Variants in TRPS1 observed in about 807,000 individuals in gnomAD.
TRPS1 encodes the protein zinc finger transcription factor Trps1.
A neutral mutation model predicts 101.2 loss-of-function variants in TRPS1; 6 were observed. The observed-to-expected ratio is 0.06, with a 90% CI of 0.03 to 0.12. The LOEUF (loss-of-function observed/expected upper bound fraction) is 0.12, where lower values mean the gene tolerates loss of function less well. TRPS1 is among the 10% of genes least tolerant of loss of function. TRPS1 has a pLI of 1.00. For synonymous variants in TRPS1, 578 were observed against 589.8 expected (o/e 0.98, Z 0.29); for missense variants, 1,363 against 1,567.0 (o/e 0.87, Z 2.20).
At chr8:115,611,242 C>T (rs1291430585) in intron 3 of TRPS1, among the ~76,000 whole-genome samples, 1 of 152,068 alleles carries the variant, frequency 6.6e-6, no homozygotes, top group Non-Finnish European at 1.5e-5. Flanking sequence ...CACTCCTCTA[C>T]AGCATCCAAC....
In TRPS1 at chr8:115,604,362, T is replaced by C. The variant is rs749022707; in HGVS notation, c.1607A>G (p.Tyr536Cys). The change falls in exon 4 of 7, where the codon TAT becomes TGT. Residue 536 changes from tyrosine to cysteine, a missense_variant. By Grantham distance (194) the Tyr-to-Cys change is radical (BLOSUM62 -2). Coordinates refer to ENST00000395715, the MANE Select transcript of TRPS1 (RefSeq NM_014112.5). This position sits in a 1 kb window ranked among gnomAD's most constrained non-coding sequence, Gnocchi z 4.1. ...KGAEDNMVTS[Y>C]NCQFCDFRYS... ...TCGGAAGTCACAGAACTGACAATTA[T>C]AGCTCGTTACCATATTATCCTCGGC... The C allele has an allele frequency of 3.8e-5, 61 of 1,613,944 alleles. No homozygotes were observed. The highest frequency in any genetic ancestry group is 4.7e-5 in the Non-Finnish European group (55 of 1,179,994).
At chr8:115,460,932 A>G (rs1406103926) in intron 5 of TRPS1, among the ~76,000 whole-genome samples, 1 of 152,188 alleles carries the variant, frequency 6.6e-6, no homozygotes, top group Non-Finnish European at 1.5e-5. Context: ...TGTTACAAAT[A>G]ATTAAAATAT....
At chr8:115,667,069 G>T (rs1811939097) in intron 1 of TRPS1, among the ~76,000 whole-genome samples, 1 of 152,122 alleles carries the variant, frequency 6.6e-6, no homozygotes, top group African/African-American at 2.4e-5. Context: ...TAAGATCAAT[G>T]GCTTACTCAA....
chr8:115,612,374 G>C (rs766361327), intron 3 of TRPS1, among the ~76,000 whole-genome samples: 1 of 152,166 alleles, frequency 6.6e-6, no homozygotes, highest in Non-Finnish European at 1.5e-5. Flanking sequence ...TTACTTGAAA[G>C]AAGTGACAGT....
intron 2 of TRPS1, 92 bp from the exon 3 acceptor site, chr8:115,620,152 T>G: frequency 7.6e-7 from 1 of 1,319,632 alleles, no homozygotes; most frequent in Non-Finnish European, 1.1e-6. Context: ...TGTGAGTTTT[T>G]TAAGGTGCAT....
In TRPS1 at chr8:115,524,319, C is replaced by CTTTTTTTTTTTTTTTTTTTTTT. The variant is rs139406462; in HGVS notation, c.2700+62660_2700+62681dup. ...TTTTCTTTGCATTTTCTTCTTCTTCCTTTTTTTTTTTTTTTTTTTTTTTTG... is the reference window on the plus strand; with the variant it reads ...TTTTCTTTGCATTTTCTTCTTCTTCCTTTTTTTTTTTTTTTTTTTTTTTTTTTTTTTTTTTTTTTTTTTTTTG... On this transcript the variant is annotated intron_variant, in intron 5 of 6. Coordinates refer to ENST00000395715, the MANE Select transcript of TRPS1 (RefSeq NM_014112.5). Among the ~76,000 whole-genome samples the CTTTTTTTTTTTTTTTTTTTTTT allele has an allele frequency of 1.1e-4, 8 of 70,720 alleles. 1 individual carries two copies. The highest frequency in any genetic ancestry group is 2.0e-4 in the Admixed American group (1 of 5,078). The allele number at this position is 70,720 out of a possible 152,430, so 46.4% of individuals were successfully genotyped here.
intron 5 of TRPS1, among the ~76,000 whole-genome samples, chr8:115,522,319 A>G (rs190910253): frequency 1.3e-5 from 2 of 152,142 alleles, no homozygotes; most frequent in African/African-American, 4.8e-5. Context: ...ACTATAAATG[A>G]TAGATATATC....
In TRPS1 at chr8:115,585,198, T is replaced by C. The variant is rs911579093; in HGVS notation, c.2700+1803A>G. Among the ~76,000 whole-genome samples, 75 of 152,090 alleles carry C rather than the reference T, an allele frequency of 4.9e-4. 1 individual carries two copies. The highest frequency in any genetic ancestry group is 7.4e-5 in the Non-Finnish European group (5 of 68,000). On this transcript the variant is annotated intron_variant, in intron 5 of 6. Coordinates refer to ENST00000395715, the MANE Select transcript of TRPS1 (RefSeq NM_014112.5). ...TGAAAAGGCTGTTAAAATGATGCAATAGAAACTTGAAATCAGGGATTTAAG... is the reference window on the plus strand; with the variant it reads ...TGAAAAGGCTGTTAAAATGATGCAACAGAAACTTGAAATCAGGGATTTAAG...
chr8:115,646,927 T>C (rs1174176124), intron 1 of TRPS1, among the ~76,000 whole-genome samples: 1 of 152,078 alleles, frequency 6.6e-6, no homozygotes, highest in African/African-American at 2.4e-5. Context: ...AACTGAAAAA[T>C]TCTCCCCTAC....
chr8:115,620,868 C>T (rs967066496), intron 2 of TRPS1, among the ~76,000 whole-genome samples: 2 of 152,194 alleles, frequency 1.3e-5, no homozygotes, highest in Non-Finnish European at 2.9e-5. Context: ...CCATATGCAG[C>T]CTGGTGAAAA....
At position 115,439,544 on chromosome 8, in the gene TRPS1, A is replaced by C. The variant is rs1435087198; in HGVS notation, c.2701-21092T>G. On this transcript the variant is annotated intron_variant, in intron 5 of 6. Transcript: ENST00000395715. Reference sequence around the variant, plus strand: ...CACTGGTAAAACTAAAATTTATTTTAATAGTGAAAAAGTTACATTTAAAGA... The same window carrying C: ...CACTGGTAAAACTAAAATTTATTTTCATAGTGAAAAAGTTACATTTAAAGA... Among the ~76,000 whole-genome samples the C allele has an allele frequency of 2.6e-5, 4 of 152,210 alleles. No homozygotes were observed. In the East Asian group the frequency reaches 7.7e-4, roughly 29 times the overall value.
chr8:115,662,267 G>A (rs1309654103), intron 1 of TRPS1, among the ~76,000 whole-genome samples: 3 of 151,880 alleles, frequency 2.0e-5, no homozygotes, highest in Non-Finnish European at 2.9e-5. Flanking sequence ...ATGCCTTAAA[G>A]ACTGTACTCT....
At chr8:115,430,951 G>A (rs1055980110) in intron 5 of TRPS1, among the ~76,000 whole-genome samples, 5 of 151,784 alleles carry the variant, frequency 3.3e-5, no homozygotes, top group African/African-American at 1.2e-4. Flanking sequence ...AAAAAAAAAT[G>A]AAGCAATAGA....
intron 5 of TRPS1, among the ~76,000 whole-genome samples, chr8:115,479,977 C>T (rs770363610): frequency 4.6e-5 from 7 of 151,992 alleles, no homozygotes; most frequent in Non-Finnish European, 7.4e-5. Flanking sequence ...GAAGCAGAGG[C>T]GAGGCACATT....
chr8:115,579,388 G>A (rs1817392450), intron 5 of TRPS1, among the ~76,000 whole-genome samples: 1 of 152,004 alleles, frequency 6.6e-6, no homozygotes, highest in Admixed American at 6.6e-5. Flanking sequence ...AATTCCCTGA[G>A]ATTCTATGTG....
chr8:115,427,681 CT>C (rs1813219827), intron 5 of TRPS1, among the ~76,000 whole-genome samples: 1 of 152,074 alleles, frequency 6.6e-6, no homozygotes, highest in Non-Finnish European at 1.5e-5. Context: ...TTAAAGAACG[CT>C]TATCTCTTCA....
At chr8:115,555,566 A>G (rs779142883) in intron 5 of TRPS1, among the ~76,000 whole-genome samples, 7 of 151,984 alleles carry the variant, frequency 4.6e-5, no homozygotes, top group Non-Finnish European at 1.0e-4. Context: ...GACTATGTGA[A>G]GCAGAGGGGG....
chr8:115,456,649 T>C (rs533212311), intron 5 of TRPS1, among the ~76,000 whole-genome samples: 182 of 152,260 alleles, frequency 1.2e-3, no homozygotes, highest in African/African-American at 4.1e-3. Context: ...TTCTGGACTA[T>C]TTCTCAGTAT....
intron 5 of TRPS1, among the ~76,000 whole-genome samples, chr8:115,429,731 A>G (rs1019017400): frequency 2.0e-5 from 3 of 152,058 alleles, no homozygotes; most frequent in Non-Finnish European, 4.4e-5. Flanking sequence ...AAAATATAAC[A>G]CTAACTTTTC....
Sources: gnomAD v4.1 joint callset for allele counts (sites outside exome capture counted in the v4.1 genomes callset) on GRCh38, gnomAD v4.1.1 for gene constraint, Gnocchi (gnomAD v3.1) non-coding constraint, MANE v1.5 for transcripts, NCBI Gene and HGNC (gene_info 2026-07-23, HGNC 2026-07-21) for gene names.